C2orf92: variants seen among roughly 807,000 people sequenced by gnomAD.
C2orf92 encodes chromosome 2 open reading frame 92.
At chr2:97,679,149 G>A (rs1323547872) in intron 3 of C2orf92, among the ~76,000 whole-genome samples, 1 of 149,602 alleles carries the variant, frequency 6.7e-6, no homozygotes, top group Admixed American at 6.8e-5. Flanking sequence ...GAGATGAAGG[G>A]ACATTTAACA....
chr2:97,683,646 G>T (rs182289127), intron 3 of C2orf92, among the ~76,000 whole-genome samples: 2 of 151,018 alleles, frequency 1.3e-5, no homozygotes, highest in African/African-American at 4.9e-5. Context: ...AAAATCTACC[G>T]TAAGATTCGT....
At chr2:97,668,587 G>C (rs1675308226), upstream of C2orf92, 1 of 151,900 alleles carries the variant, frequency 6.6e-6, no homozygotes, top group Non-Finnish European at 1.5e-5. Flanking sequence ...CCAGAACTGG[G>C]AGACGATTCA....
chr2:97,678,917 G>T (rs1433201659), intron 3 of C2orf92, among the ~76,000 whole-genome samples: 1 of 151,576 alleles, frequency 6.6e-6, no homozygotes, highest in Non-Finnish European at 1.5e-5. Flanking sequence ...AGTCCAGGCT[G>T]CAGTGAGCTG....
At chr2:97,695,020 G>C (rs1444418020) in intron 5 of C2orf92, among the ~76,000 whole-genome samples, 1 of 152,086 alleles carries the variant, frequency 6.6e-6, no homozygotes, top group Non-Finnish European at 1.5e-5. Flanking sequence ...GTATATTGTT[G>C]GGTGTCAGGA....
intron 4 of C2orf92, among the ~76,000 whole-genome samples, chr2:97,689,913 G>C (rs1285378345): frequency 6.6e-6 from 1 of 152,124 alleles, no homozygotes; most frequent in African/African-American, 2.4e-5. Flanking sequence ...CAGATCACTT[G>C]AGGTCAGGAG....
At chr2:97,697,466 G>C (rs1308894951) in intron 5 of C2orf92, 1 of 152,126 alleles carries the variant, frequency 6.6e-6, no homozygotes, top group Non-Finnish European at 1.5e-5. Flanking sequence ...GCGCCCCCTG[G>C]TGGATAACTC....
chr2:97,682,643 AGGATGG>A (rs1322049194), intron 3 of C2orf92, among the ~76,000 whole-genome samples: 6,840 of 152,294 alleles, frequency 0.045, 493 homozygotes, highest in African/African-American at 0.15. Flanking sequence ...CTGGAACAGA[AGGATGG>A]TTGAACATAA....
upstream of C2orf92, among the ~76,000 whole-genome samples, chr2:97,666,559 T>C (rs1675236377): frequency 6.9e-6 from 1 of 143,990 alleles, no homozygotes; most frequent in African/African-American, 2.6e-5. Context: ...AAGATGGGGT[T>C]GAGATGGGCA....
At chr2:97,693,995 A>C (rs1676223203) in intron 5 of C2orf92, among the ~76,000 whole-genome samples, 1 of 152,160 alleles carries the variant, frequency 6.6e-6, no homozygotes, top group Admixed American at 6.6e-5. Context: ...TGCAACCATC[A>C]CCAGCATTCA....
intron 3 of C2orf92, among the ~76,000 whole-genome samples, chr2:97,678,003 A>G (rs1458322987): frequency 6.6e-6 from 1 of 152,146 alleles, no homozygotes; most frequent in Non-Finnish European, 1.5e-5. Flanking sequence ...GATGAAGACC[A>G]TCCTGGCTAA....
intron 1 of C2orf92, among the ~76,000 whole-genome samples, chr2:97,673,276 T>G (rs985282079): frequency 6.6e-6 from 1 of 152,172 alleles, no homozygotes; most frequent in African/African-American, 2.4e-5. Context: ...CTCCACATCC[T>G]TCTTCAGTGG....
chr2:97,700,764 C>T (rs982696411), intron 6 of C2orf92, among the ~76,000 whole-genome samples: 5 of 150,530 alleles, frequency 3.3e-5, no homozygotes, highest in Non-Finnish European at 7.4e-5. Context: ...CACTCTTTTG[C>T]CCAGGCTGGA....
In C2orf92 at chr2:97,687,845, G is replaced by A. The variant is rs528917712; in HGVS notation, c.233-1050G>A. 2.0e-5 allele frequency among the ~76,000 whole-genome samples: 3 copies of A among 150,620 alleles called. No homozygotes were observed. In the South Asian group the frequency reaches 6.3e-4, roughly 31 times the overall value. On this transcript the variant is annotated intron_variant, in intron 3 of 7. Transcript: ENST00000627399. ...ACAACTGCCTGGCAGGTGACCAGGA[G>A]GGGATGCATGAGCAGATGCAGGTAG...
chr2:97,697,076 A>C (rs924110965), intron 5 of C2orf92, among the ~76,000 whole-genome samples: 1 of 152,218 alleles, frequency 6.6e-6, no homozygotes, highest in Non-Finnish European at 1.5e-5. Flanking sequence ...AGCCCAGCAC[A>C]TGCTTGATTG....
In C2orf92 at chr2:97,690,259, C is replaced by G; in HGVS notation, c.335C>G (p.Thr112Ser). The change falls in exon 5 of 8, where the codon ACC (threonine) becomes AGC (serine). Residue 112 changes from threonine to serine, a missense_variant. Coordinates refer to ENST00000627399, the MANE Select transcript of C2orf92 (RefSeq NM_001351368.2). ...SITKTDMRKG[T>S]SIAWNSPKPE... ...TTATTCATGTGTCTTATCAAAGGAACCAGCATTGCTTGGAATTCTCCTAAA... is the reference window on the plus strand; with the variant it reads ...TTATTCATGTGTCTTATCAAAGGAAGCAGCATTGCTTGGAATTCTCCTAAA... 2.5e-6 allele frequency: 1 copy of G among 398,984 alleles called. No homozygotes were observed. Among genetic ancestry groups the G allele is most frequent in the Non-Finnish European group, 4.4e-6 (1 of 226,048 alleles). The allele number at this position is 398,984 out of a possible 1,614,324, so 24.7% of individuals were successfully genotyped here.
chr2:97,687,876 G>A (rs1257176650), intron 3 of C2orf92, among the ~76,000 whole-genome samples: 1 of 150,338 alleles, frequency 6.7e-6, no homozygotes, highest in Admixed American at 6.6e-5. Flanking sequence ...GGTAGCACTT[G>A]CAGTCCCCCT....
intron 1 of C2orf92, among the ~76,000 whole-genome samples, chr2:97,673,315 CAT>C (rs1216810061): frequency 2.0e-5 from 3 of 152,140 alleles, no homozygotes; most frequent in Non-Finnish European, 4.4e-5. Context: ...GTGTGTGAGT[CAT>C]GTGTGATCTT....
intron 3 of C2orf92, among the ~76,000 whole-genome samples, chr2:97,679,567 C>A (rs993062473): frequency 6.6e-6 from 1 of 151,898 alleles, no homozygotes; most frequent in Non-Finnish European, 1.5e-5. Context: ...CGAAGCCAGG[C>A]AGGGTGGCTT....
At chr2:97,695,378 A>C (rs1297946257) in intron 5 of C2orf92, among the ~76,000 whole-genome samples, 13 of 152,184 alleles carry the variant, frequency 8.5e-5, no homozygotes. Flanking sequence ...TTCGCATATG[A>C]TATCCTGTTT....
Sources: gnomAD v4.1 joint callset for allele counts (sites outside exome capture counted in the v4.1 genomes callset) on GRCh38, gnomAD v4.1.1 for gene constraint, MANE v1.5 for transcripts, NCBI Gene and HGNC (gene_info 2026-07-23, HGNC 2026-07-21) for gene names.